The following EPHA6 variants were observed in gnomAD, a reference collection of about 807,000 sequenced individuals.
The protein encoded by EPHA6 is EPH receptor A6, also known as ephrin type-A receptor 6.
EPHA6 carries 50 observed loss-of-function variants against 112.0 expected under a neutral mutation model. That is an observed-to-expected ratio of 0.45 (90% CI 0.36 to 0.56). EPHA6 has a LOEUF of 0.56. EPHA6 is among the 20% of genes least tolerant of loss of function. The pLI is 0.00. For synonymous variants in EPHA6, 529 were observed against 490.7 expected, an observed-to-expected ratio of 1.08 and a Z score of -1.03; for missense variants, 1,280 against 1,417.4, an observed-to-expected ratio of 0.90 and a Z score of 1.56.
At chr3:97,238,935 C>T (rs952291274) in intron 4 of EPHA6, among the ~76,000 whole-genome samples, 22 of 151,650 alleles carry the variant, frequency 1.5e-4, no homozygotes, top group Admixed American at 8.6e-4. Context: ...TTGGTCTATT[C>T]GATTTTTTGT....
intron 7 of EPHA6, among the ~76,000 whole-genome samples, chr3:97,469,628 G>GAC (rs1379837705): frequency 6.6e-6 from 1 of 151,600 alleles, no homozygotes; most frequent in Non-Finnish European, 1.5e-5. Context: ...AATTATAAGG[G>GAC]ACAGGACTGA....
At position 97,354,174 on chromosome 3, in the gene EPHA6, A is replaced by C. The variant is rs542982264; in HGVS notation, c.1607-50976A>C. 6.6e-5 allele frequency among the ~76,000 whole-genome samples: 10 copies of C among 152,280 alleles called. No homozygotes were observed. In the South Asian group the frequency reaches 1.9e-3, roughly 28 times the overall value. On this transcript the variant is annotated intron_variant, in intron 5 of 17. Coordinates refer to ENST00000389672, the MANE Select transcript of EPHA6 (RefSeq NM_001080448.3). ...CTGGAAAACTACCCAAGAAGGATGAATATAAACAAGCCCAGACTGTGAAGA... is the reference window on the plus strand; with the variant it reads ...CTGGAAAACTACCCAAGAAGGATGACTATAAACAAGCCCAGACTGTGAAGA...
chr3:96,942,457 C>G (rs1042477466), intron 2 of EPHA6, among the ~76,000 whole-genome samples: 1 of 152,156 alleles, frequency 6.6e-6, no homozygotes, highest in Non-Finnish European at 1.5e-5. Flanking sequence ...ATTTTAAGCC[C>G]GTTGGAAAAG....
intron 2 of EPHA6, among the ~76,000 whole-genome samples, chr3:96,896,929 A>C (rs2107558232): frequency 6.6e-6 from 1 of 152,324 alleles, no homozygotes; most frequent in Admixed American, 6.5e-5. Context: ...CCACAAAATT[A>C]AAACAGCTAT....
At chr3:96,863,496 A>T (rs1022304762) in intron 1 of EPHA6, among the ~76,000 whole-genome samples, 1 of 151,996 alleles carries the variant, frequency 6.6e-6, no homozygotes, top group Non-Finnish European at 1.5e-5. Flanking sequence ...CTGAAATGCA[A>T]ATTTGGAATC....
intron 12 of EPHA6, among the ~76,000 whole-genome samples, chr3:97,610,185 C>T (rs899855514): frequency 6.6e-6 from 1 of 151,502 alleles, no homozygotes; most frequent in African/African-American, 2.4e-5. Context: ...AAATCTATGT[C>T]CAATGAAGAC....
chr3:97,114,995 G>A (rs2047840330), intron 3 of EPHA6, among the ~76,000 whole-genome samples: 1 of 152,058 alleles, frequency 6.6e-6, no homozygotes, highest in African/African-American at 2.4e-5. Flanking sequence ...AGATAGACAA[G>A]CCTGATTTTG....
intron 3 of EPHA6, among the ~76,000 whole-genome samples, chr3:96,993,563 T>G (rs781582361): frequency 1.3e-5 from 2 of 152,148 alleles, no homozygotes; most frequent in African/African-American, 2.4e-5. Flanking sequence ...TTTCATTTCC[T>G]CATTCCAGAC....
At position 96,873,645 on chromosome 3, in the gene EPHA6, G is replaced by A. The variant is rs2036771303; in HGVS notation, c.450+6756G>A. 2.0e-5 allele frequency among the ~76,000 whole-genome samples: 3 copies of A among 152,058 alleles called. No homozygotes were observed. In the South Asian group the frequency reaches 6.2e-4, roughly 32 times the overall value. ...TCATTCAATCTAAACAATAAATCAA[G>A]CTTTTATCCCTTTACATGACATTGT... On this transcript the variant is annotated intron_variant, in intron 2 of 17. Coordinates refer to ENST00000389672, the MANE Select transcript of EPHA6 (RefSeq NM_001080448.3).
intron 5 of EPHA6, among the ~76,000 whole-genome samples, chr3:97,367,152 AC>A (rs1262709087): frequency 1.3e-5 from 2 of 152,232 alleles, no homozygotes; most frequent in Non-Finnish European, 2.9e-5. Flanking sequence ...GTGAGGATAC[AC>A]ATAAGATAAA....
intron 12 of EPHA6, among the ~76,000 whole-genome samples, chr3:97,606,762 G>C (rs1274678968): frequency 6.6e-6 from 1 of 151,136 alleles, no homozygotes; most frequent in African/African-American, 2.4e-5. Flanking sequence ...AGAGGCATAA[G>C]AATATTTCAT....
chr3:96,858,924 A>G (rs1441275671), intron 1 of EPHA6, among the ~76,000 whole-genome samples: 1 of 152,104 alleles, frequency 6.6e-6, no homozygotes, highest in Admixed American at 6.6e-5. Flanking sequence ...TCTAGAGACC[A>G]CTTTGCCTCT....
intron 2 of EPHA6, among the ~76,000 whole-genome samples, chr3:96,912,003 T>TA (rs2039241827): frequency 6.6e-6 from 1 of 151,940 alleles, no homozygotes; most frequent in South Asian, 2.1e-4. Flanking sequence ...AAACAGAAAA[T>TA]ATGCATCTTA....
rs778845618 is a variant in EPHA6 at position 97,532,483 on chromosome 3, A to T, written c.2326A>T (p.Ser776Cys). 1.4e-5 allele frequency: 22 copies of T among 1,612,260 alleles called. No homozygotes were observed. ...AAGAAGAGATTTTCTAAGAGAAGCTAGTATCATGGGCCAGTTTGACCATCC... is the reference window on the plus strand; with the variant it reads ...AAGAAGAGATTTTCTAAGAGAAGCTTGTATCATGGGCCAGTTTGACCATCC... Reference protein sequence around the residue: ...RQRRDFLREASIMGQFDHPNI... With the variant: ...RQRRDFLREACIMGQFDHPNI... Residue 776 changes from serine to cysteine, a missense_variant, in exon 11 of 18, where the codon AGT becomes TGT. This residue lies in a region of EPHA6 where 878 missense variants were observed against 999.7 expected (regional missense o/e 0.88). Coordinates refer to ENST00000389672, the MANE Select transcript of EPHA6 (RefSeq NM_001080448.3).
At chr3:97,709,696 C>A (rs143730604) in intron 14 of EPHA6, among the ~76,000 whole-genome samples, 514 of 152,192 alleles carry the variant, frequency 3.4e-3, no homozygotes, top group African/African-American at 0.012. Flanking sequence ...AATTGTAATC[C>A]CCACATGTCA....
intron 3 of EPHA6, among the ~76,000 whole-genome samples, chr3:96,991,091 G>A (rs2043199072): frequency 6.6e-6 from 1 of 152,042 alleles, no homozygotes; most frequent in Non-Finnish European, 1.5e-5. Flanking sequence ...CTAGGTTCAA[G>A]CGATCCTCCT....
chr3:97,049,076 C>T (rs893881901), intron 3 of EPHA6, among the ~76,000 whole-genome samples: 3 of 152,166 alleles, frequency 2.0e-5, no homozygotes, highest in African/African-American at 7.2e-5. Context: ...GGAAGAACAT[C>T]AGGGCCAGTG....
chr3:96,825,582 G>A (rs1471372268), intron 1 of EPHA6, among the ~76,000 whole-genome samples: 3 of 151,674 alleles, frequency 2.0e-5, no homozygotes, highest in Non-Finnish European at 4.4e-5. Flanking sequence ...TGGAATTGCT[G>A]GTGTTCTTTA....
At chr3:97,614,233 A>C (rs1272462302) in intron 13 of EPHA6, among the ~76,000 whole-genome samples, 1 of 152,074 alleles carries the variant, frequency 6.6e-6, no homozygotes, top group Non-Finnish European at 1.5e-5. Flanking sequence ...TTGAATGTTA[A>C]TTTATCATAT....
Sources: gnomAD v4.1 joint callset for allele counts (sites outside exome capture counted in the v4.1 genomes callset) on GRCh38, gnomAD v4.1.1 for gene constraint, gnomAD v4.1.1 regional missense constraint, MANE v1.5 for transcripts, NCBI Gene and HGNC (gene_info 2026-07-23, HGNC 2026-07-21) for gene names.